PTPN13: variants seen among roughly 807,000 people sequenced by gnomAD.
PTPN13 encodes the protein protein tyrosine phosphatase non-receptor type 13, also known as tyrosine-protein phosphatase non-receptor type 13.
PTPN13 carries 191 observed loss-of-function variants against 284.0 expected under a neutral mutation model. The observed-to-expected ratio is 0.67, with a 90% confidence interval of 0.60 to 0.76. The LOEUF is 0.76. Ranked by LOEUF, PTPN13 falls within the 30% of genes least tolerant of loss-of-function variation. The pLI, the probability that PTPN13 is intolerant of heterozygous loss-of-function variation, is 0.00. For missense variants in PTPN13, 2,797 were observed against 2,939.9 expected (o/e 0.95, Z 1.12); for synonymous variants, 986 against 1,022.3 (o/e 0.96, Z 0.68).
In PTPN13 at chr4:86,725,537, G is replaced by C. The variant is rs1189528809; in HGVS notation, c.1608+3103G>C. On this transcript the variant is annotated intron_variant, in intron 10 of 47. Coordinates refer to ENST00000411767, the MANE Select transcript of PTPN13 (RefSeq NM_080683.3). The stretch of plus-strand genomic sequence containing the variant: ...AACTGGCATGAGATGGTATCTCATT[G>C]TGGTTTTGATTTGCATTTCTCTGAT... Among the ~76,000 whole-genome samples, 3 of 149,602 alleles carry C rather than the reference G, an allele frequency of 2.0e-5. 1 individual carries two copies. The highest frequency in any genetic ancestry group is 4.5e-5 in the Non-Finnish European group (3 of 66,654).
chr4:86,598,258 C>T (rs1050344291), intron 1 of PTPN13, among the ~76,000 whole-genome samples: 1 of 152,070 alleles, frequency 6.6e-6, no homozygotes, highest in African/African-American at 2.4e-5. Flanking sequence ...ATTCTCCTGC[C>T]TCAGCCTCCT....
At chr4:86,625,753 C>G (rs1383991) in intron 1 of PTPN13, among the ~76,000 whole-genome samples, 1 of 152,150 alleles carries the variant, frequency 6.6e-6, no homozygotes, top group Non-Finnish European at 1.5e-5. Flanking sequence ...CCCTTAGGTC[C>G]TTGCGATATG....
intron 1 of PTPN13, among the ~76,000 whole-genome samples, chr4:86,623,506 A>G (rs928045407): frequency 9.9e-5 from 15 of 152,200 alleles, no homozygotes; most frequent in Admixed American, 5.9e-4. Flanking sequence ...CTTGGCATTC[A>G]TATGCATCTC....
At chr4:86,603,563 G>A (rs539173108) in intron 1 of PTPN13, among the ~76,000 whole-genome samples, 1 of 152,052 alleles carries the variant, frequency 6.6e-6, no homozygotes, top group African/African-American at 2.4e-5. Context: ...ATGCTCTAAT[G>A]TATGTTATGA....
At chr4:86,664,399 AT>A (rs1021783294) in intron 2 of PTPN13, among the ~76,000 whole-genome samples, 2 of 152,130 alleles carry the variant, frequency 1.3e-5, no homozygotes, top group African/African-American at 4.8e-5. Flanking sequence ...GAACTTCAAA[AT>A]TTTTGTGTGT....
chr4:86,667,704 C>A (rs1195370821), intron 2 of PTPN13, among the ~76,000 whole-genome samples: 1 of 152,060 alleles, frequency 6.6e-6, no homozygotes, highest in Non-Finnish European at 1.5e-5. Flanking sequence ...GAACAGCGGC[C>A]TCTGCATACA....
chr4:86,717,778 T>G (rs1342484040), intron 9 of PTPN13, among the ~76,000 whole-genome samples: 1 of 152,156 alleles, frequency 6.6e-6, no homozygotes, highest in Non-Finnish European at 1.5e-5. Flanking sequence ...GTTGGAATAG[T>G]CTCAGCCAGC....
intron 2 of PTPN13, among the ~76,000 whole-genome samples, chr4:86,646,509 G>A (rs1381668090): frequency 1.3e-5 from 2 of 152,090 alleles, no homozygotes; most frequent in African/African-American, 4.8e-5. Context: ...TCTTGGCCAG[G>A]CTGGCCTGGA....
chr4:86,595,793 A>G, intron 1 of PTPN13: 1 of 983,350 alleles, frequency 1.0e-6, no homozygotes, highest in Non-Finnish European at 1.2e-6. Flanking sequence ...GCTGGTAACT[A>G]ATTATAAATT....
intron 4 of PTPN13, among the ~76,000 whole-genome samples, chr4:86,688,701 A>G (rs1374687145): frequency 6.6e-6 from 1 of 152,148 alleles, no homozygotes; most frequent in African/African-American, 2.4e-5. Flanking sequence ...GTGTACATGT[A>G]GTAACTGTTT....
intron 15 of PTPN13, among the ~76,000 whole-genome samples, chr4:86,739,591 T>G (rs1735929580): frequency 6.6e-6 from 1 of 152,128 alleles, no homozygotes; most frequent in Non-Finnish European, 1.5e-5. Context: ...GAGATTTGGG[T>G]GAGGACACAG....
intron 10 of PTPN13, among the ~76,000 whole-genome samples, chr4:86,732,196 T>C (rs576105084): frequency 6.6e-6 from 1 of 152,334 alleles, no homozygotes; most frequent in East Asian, 1.9e-4. Context: ...TTCAACTTAA[T>C]GTAAGGCATA....
rs544469273 is a variant in PTPN13, at chr4:86,716,739, T to C, written c.1291+114T>C. On this transcript the variant is annotated intron_variant, in intron 8 of 47. Transcript: ENST00000411767. ...CAGAAAGAATAATACTGTATAAAAT[T>C]GAAAAATTTAAAAAAGCTGCTGGTT... The C allele has an allele frequency of 3.4e-6, 3 of 886,458 alleles. No individual in the cohort carries two copies. The African/African-American group carries it at 5.1e-5, about 15-fold the overall frequency. The allele number at this position is 886,458 out of a possible 1,614,324, so 54.9% of individuals were successfully genotyped here.
chr4:86,768,212 G>A (rs1370161896), intron 28 of PTPN13, among the ~76,000 whole-genome samples: 1 of 152,148 alleles, frequency 6.6e-6, no homozygotes, highest in African/African-American at 2.4e-5. Flanking sequence ...TTTTAAAAAT[G>A]CTTTAAATTG....
At chr4:86,762,150 T>C (rs1738769802) in intron 23 of PTPN13, among the ~76,000 whole-genome samples, 1 of 152,182 alleles carries the variant, frequency 6.6e-6, no homozygotes, top group African/African-American at 2.4e-5. Context: ...TTTTTGTATT[T>C]TTGGTACAGA....
chr4:86,606,552 A>C (rs1764757523), intron 1 of PTPN13, among the ~76,000 whole-genome samples: 1 of 151,904 alleles, frequency 6.6e-6, no homozygotes, highest in South Asian at 2.1e-4. Context: ...TTCTCCTCTT[A>C]CAAATTAGCA....
chr4:86,775,098 G>A (rs1273244233), intron 33 of PTPN13, 73 bp from the exon 34 acceptor site: 2 of 1,083,742 alleles, frequency 1.8e-6, no homozygotes, highest in Non-Finnish European at 2.6e-6. Context: ...GAGGATTATT[G>A]TATTTTCTTG....
chr4:86,788,384 A>G (rs186688333), intron 40 of PTPN13, among the ~76,000 whole-genome samples: 1 of 152,286 alleles, frequency 6.6e-6, no homozygotes, highest in African/African-American at 2.4e-5. Context: ...AGTTCTTGAA[A>G]TCACCCTAAA....
At chr4:86,808,942 T>G (rs1316891669) in intron 45 of PTPN13, among the ~76,000 whole-genome samples, 2 of 152,054 alleles carry the variant, frequency 1.3e-5, no homozygotes, top group African/African-American at 2.4e-5. Flanking sequence ...AAATGGCATT[T>G]GAGGAAAAAT....
Sources: allele counts gnomAD v4.1 joint callset (sites outside exome capture counted in the v4.1 genomes callset), GRCh38; gene constraint gnomAD v4.1.1; transcripts MANE v1.5; gene names NCBI Gene and HGNC (gene_info 2026-07-23, HGNC 2026-07-21).